The following APP variants were observed in gnomAD, a reference collection of about 807,000 sequenced individuals.
APP encodes the protein amyloid beta precursor protein, also known as amyloid-beta precursor protein.
A neutral mutation model predicts 101.4 loss-of-function variants in APP; 31 were observed. The observed-to-expected ratio is 0.31, with a 90% CI of 0.23 to 0.41. The LOEUF is 0.41. APP is among the 10% of genes least tolerant of loss of function. APP has a pLI of 1.00. For missense variants in APP, 839 were observed against 1,003.7 expected, an observed-to-expected ratio of 0.84 and a Z score of 2.22; for synonymous variants, 366 against 364.4, an observed-to-expected ratio of 1.00 and a Z score of -0.05.
At chr21:25,924,992 T>G (rs144892660) in intron 13 of APP, among the ~76,000 whole-genome samples, 2 of 152,336 alleles carry the variant, frequency 1.3e-5, no homozygotes, top group African/African-American at 4.8e-5. Context: ...GATTCGCATA[T>G]GACCAATTCT....
intron 1 of APP, among the ~76,000 whole-genome samples, chr21:26,143,372 G>C (rs903713156): frequency 6.6e-6 from 1 of 152,186 alleles, no homozygotes. Flanking sequence ...CTTTACCATA[G>C]AGCTACAGAT....
Position 26,127,318 on chromosome 21 carries a change from A to G in APP, c.58-15172T>C, listed in dbSNP as rs527800680. Among the ~76,000 whole-genome samples the G allele has an allele frequency of 3.2e-4, 48 of 152,312 alleles. 1 individual carries two copies. Among genetic ancestry groups the G allele is most frequent in the Admixed American group, 2.9e-3 (44 of 15,298 alleles). ...CCAGTCAGAATCTCTCTGTAGGTAA[A>G]GACTTTCAAATTCTAGCCAATCATT... On this transcript the variant is annotated intron_variant, in intron 1 of 17. Coordinates refer to ENST00000346798, the MANE Select transcript of APP (RefSeq NM_000484.4).
chr21:26,156,858 G>A lies in APP; in HGVS notation c.57+13706C>T, dbSNP rs574225229. Reference sequence around the variant, plus strand: ...CAAACTTAACTATATGGGCTTCACGGGTGAAAAAAAGTATAATTTAAAAAT... The same window carrying A: ...CAAACTTAACTATATGGGCTTCACGAGTGAAAAAAAGTATAATTTAAAAAT... On this transcript the variant is annotated intron_variant, in intron 1 of 17. Coordinates refer to ENST00000346798, the MANE Select transcript of APP (RefSeq NM_000484.4). 9.5e-5 allele frequency among the ~76,000 whole-genome samples: 10 copies of A among 105,416 alleles called. No individual in the cohort carries two copies. The South Asian group carries it at 3.4e-3, about 36-fold the overall frequency. 69.2% of individuals were successfully genotyped at this position (105,416 alleles called of 152,430 possible).
At position 25,880,643 on chromosome 21, in the gene APP, C is replaced by T. The variant is rs1373898417; in HGVS notation, c.*1027G>A. On this transcript the variant is annotated 3_prime_UTR_variant, in exon 18 of 18. Transcript: ENST00000346798. ...AGAAGGGTTTGTCCAGGCATGCCTT[C>T]CTCATCCCCTTATATTGCCACTTCC... 6.6e-6 allele frequency: 1 copy of T among 152,178 alleles called. No individual in the cohort carries two copies. The highest frequency in any genetic ancestry group is 1.9e-4 in the East Asian group (1 of 5,200). 9.4% of individuals were successfully genotyped at this position (152,178 alleles called of 1,614,324 possible). A position where few individuals can be genotyped will look rare whatever the true frequency, so the allele number is the denominator to read the frequency against.
At chr21:26,027,899 A>T (rs1410406646) in intron 5 of APP, among the ~76,000 whole-genome samples, 1 of 152,166 alleles carries the variant, frequency 6.6e-6, no homozygotes, top group African/African-American at 2.4e-5. Context: ...GGACTACCAA[A>T]AATTCATGAC....
intron 8 of APP, among the ~76,000 whole-genome samples, chr21:25,983,217 T>G (rs998835129): frequency 6.6e-6 from 1 of 152,232 alleles, no homozygotes; most frequent in African/African-American, 2.4e-5. Context: ...AAGTGAATTA[T>G]AATACCTATA....
At chr21:26,014,182 C>T (rs1197807325) in intron 6 of APP, among the ~76,000 whole-genome samples, 1 of 152,210 alleles carries the variant, frequency 6.6e-6, no homozygotes, top group African/African-American at 2.4e-5. Flanking sequence ...AGGCCTCCAA[C>T]TGAAGTATGT....
At chr21:26,136,191 A>AGGAG (rs2062908407) in intron 1 of APP, among the ~76,000 whole-genome samples, 1 of 77,400 alleles carries the variant, frequency 1.3e-5, no homozygotes, top group Non-Finnish European at 2.2e-5. Context: ...GAAAGAAAGA[A>AGGAG]AGAAAGAAAG....
chr21:26,067,513 T>A (rs2046503040), intron 3 of APP, among the ~76,000 whole-genome samples: 1 of 152,170 alleles, frequency 6.6e-6, no homozygotes, highest in South Asian at 2.1e-4. Context: ...AGAGAAACCA[T>A]AATAAGCTTG....
chr21:26,075,180 C>A (rs1234382927), intron 3 of APP, among the ~76,000 whole-genome samples: 2 of 152,104 alleles, frequency 1.3e-5, no homozygotes, highest in African/African-American at 4.8e-5. Flanking sequence ...TTCATTAAAT[C>A]TATATATTTA....
At chr21:25,900,610 A>C (rs147177014) in intron 15 of APP, among the ~76,000 whole-genome samples, 1 of 152,062 alleles carries the variant, frequency 6.6e-6, no homozygotes, top group Non-Finnish European at 1.5e-5. Flanking sequence ...GGTTAGAACT[A>C]TATTTCTGAG....
intron 2 of APP, among the ~76,000 whole-genome samples, chr21:26,109,355 C>T (rs1177548337): frequency 2.0e-5 from 3 of 152,136 alleles, no homozygotes; most frequent in African/African-American, 7.2e-5. Flanking sequence ...GAGTGCTGTC[C>T]CGTGACAGTG....
intron 1 of APP, among the ~76,000 whole-genome samples, chr21:26,121,274 T>G (rs190608845): frequency 1.3e-5 from 2 of 152,204 alleles, no homozygotes; most frequent in African/African-American, 4.8e-5. Context: ...CCCACATAAT[T>G]TGCAAGTTTA....
At chr21:26,054,620 GTTTTTTTTTTTTTT>G (rs369608335) in intron 3 of APP, among the ~76,000 whole-genome samples, 1 of 107,994 alleles carries the variant, frequency 9.3e-6, no homozygotes, top group Non-Finnish European at 1.9e-5. Context: ...TAGGCCAAAA[GTTTTTTTTTTTTTT>G]TTTTTTTTTT....
At chr21:25,955,523 A>G (rs1315447677) in intron 12 of APP, 104 bp downstream of exon 12, 2 of 1,540,034 alleles carry the variant, frequency 1.3e-6, no homozygotes, top group African/African-American at 2.7e-5. Flanking sequence ...CATAGGGAAA[A>G]CACCTATAGG....
chr21:26,120,786 C>G (rs2062548182), intron 1 of APP, among the ~76,000 whole-genome samples: 1 of 152,194 alleles, frequency 6.6e-6, no homozygotes, highest in African/African-American at 2.4e-5. Context: ...TGAAAGCAAT[C>G]TAATGCTATT....
At chr21:26,161,781 C>T (rs1273818511) in intron 1 of APP, among the ~76,000 whole-genome samples, 1 of 152,080 alleles carries the variant, frequency 6.6e-6, no homozygotes, top group Non-Finnish European at 1.5e-5. Flanking sequence ...TTGAGAGCAT[C>T]AGGATGGAGA....
intron 13 of APP, among the ~76,000 whole-genome samples, chr21:25,917,824 GA>G (rs964015103): frequency 1.2e-4 from 16 of 136,366 alleles, no homozygotes; most frequent in Non-Finnish European, 2.2e-4. Context: ...AAATTTACCA[GA>G]AAAAAAAGAA....
intron 13 of APP, among the ~76,000 whole-genome samples, chr21:25,948,060 C>T (rs991942919): frequency 6.8e-6 from 1 of 146,956 alleles, no homozygotes; most frequent in African/African-American, 2.5e-5. Context: ...CAGCTGTAAA[C>T]CATTAAATCT....
Sources: allele counts gnomAD v4.1 joint callset (sites outside exome capture counted in the v4.1 genomes callset), GRCh38; gene constraint gnomAD v4.1.1; transcripts MANE v1.5; gene names NCBI Gene and HGNC (gene_info 2026-07-23, HGNC 2026-07-21).